The following DLGAP2 variants were observed in gnomAD, a reference collection of about 807,000 sequenced individuals.
The protein encoded by DLGAP2 is disks large-associated protein 2.
DLGAP2 carries 26 observed loss-of-function variants against 100.3 expected under a neutral mutation model. The ratio of observed to expected loss-of-function variants is 0.26; its 90% CI spans 0.19 to 0.36. The LOEUF (loss-of-function observed/expected upper bound fraction) is 0.36, where lower values mean the gene tolerates loss of function less well. Among genes scored for constraint, DLGAP2 ranks in the 10% least tolerant of loss-of-function variants. The probability of loss-of-function intolerance (pLI) is 1.00; values close to 1 mark genes in which losing one functional copy is unlikely to be tolerated. For synonymous variants in DLGAP2, 886 were observed against 630.1 expected (o/e 1.41, Z -6.08); for missense variants, 1,858 against 1,453.2 (o/e 1.28, Z -4.53).
At chr8:982,475 G>C (rs986109700) in intron 2 of DLGAP2, among the ~76,000 whole-genome samples, 9 of 152,136 alleles carry the variant, frequency 5.9e-5, no homozygotes, top group Non-Finnish European at 1.0e-4. Context: ...GACCCACAAA[G>C]GGCTTTTCTC....
intron 8 of DLGAP2, among the ~76,000 whole-genome samples, chr8:1,663,552 G>C (rs1798468644): frequency 6.6e-6 from 1 of 152,128 alleles, no homozygotes; most frequent in Non-Finnish European, 1.5e-5. Flanking sequence ...TGATTTAATA[G>C]AACCAGAAAG....
intron 2 of DLGAP2, among the ~76,000 whole-genome samples, chr8:1,240,289 C>T (rs183927728): frequency 1.1e-4 from 6 of 53,974 alleles, no homozygotes; most frequent in East Asian, 3.2e-4. Flanking sequence ...TGTTACATGG[C>T]GCCGTGTCTA....
chr8:1,060,161 T>C (rs1789344010), intron 2 of DLGAP2, among the ~76,000 whole-genome samples: 1 of 152,196 alleles, frequency 6.6e-6, no homozygotes, highest in Non-Finnish European at 1.5e-5. Context: ...CGTGCGTGGC[T>C]GCATCCGTTT....
chr8:1,089,669 C>T (rs750903541), intron 2 of DLGAP2, among the ~76,000 whole-genome samples: 1 of 152,206 alleles, frequency 6.6e-6, no homozygotes, highest in Non-Finnish European at 1.5e-5. Context: ...CCAAGGAATG[C>T]TGTTCTTATA....
chr8:1,657,317 G>C (rs1177987609), intron 8 of DLGAP2, among the ~76,000 whole-genome samples: 1 of 152,120 alleles, frequency 6.6e-6, no homozygotes, highest in African/African-American at 2.4e-5. Context: ...TTTAATGTTT[G>C]ACATACATAT....
rs1006558740 is a variant in DLGAP2, at chr8:1,424,808, C to T, written c.107-76558C>T. Reference sequence around the variant, plus strand: ...AATAGGACAAGGACAGTATGATCCCCTTATACGCAGCACCTGGAGGAGTTG... The same window carrying T: ...AATAGGACAAGGACAGTATGATCCCTTTATACGCAGCACCTGGAGGAGTTG... On this transcript the variant is annotated intron_variant, in intron 3 of 14. Transcript: ENST00000637795. Among the ~76,000 whole-genome samples, 4 of 152,194 alleles carry T rather than the reference C, an allele frequency of 2.6e-5. No individual in the cohort carries two copies. The East Asian group carries it at 7.7e-4, about 29-fold the overall frequency.
chr8:1,573,376 G>T (rs1429205070), intron 6 of DLGAP2, among the ~76,000 whole-genome samples: 2 of 135,842 alleles, frequency 1.5e-5, no homozygotes, highest in African/African-American at 2.8e-5. Context: ...GGCGTCTGAT[G>T]AGATGGAGGG....
At chr8:945,418 G>A (rs1049520667) in intron 2 of DLGAP2, among the ~76,000 whole-genome samples, 1 of 152,148 alleles carries the variant, frequency 6.6e-6, no homozygotes, top group African/African-American at 2.4e-5. Context: ...TTGAATACAG[G>A]TGTAGCATTT....
intron 2 of DLGAP2, among the ~76,000 whole-genome samples, chr8:1,255,151 C>CA (rs1799163659): frequency 3.9e-5 from 5 of 129,106 alleles, no homozygotes; most frequent in Non-Finnish European, 3.3e-5. Context: ...TGTGTGTCCT[C>CA]TCCTGCCCGG....
At chr8:1,281,325 C>T (rs558185621) in intron 3 of DLGAP2, among the ~76,000 whole-genome samples, 8 of 152,268 alleles carry the variant, frequency 5.3e-5, no homozygotes, top group African/African-American at 1.9e-4. Context: ...CTCCGCCCCT[C>T]GCTCCCGGCG....
Position 1,354,967 on chromosome 8 carries a change from G to A in DLGAP2, c.106+96084G>A, listed in dbSNP as rs1363252847. Reference sequence around the variant, plus strand: ...GGTGGAAAGTCACGGATGATGCTGCGGATGAGGGTGGAAAGTCACGGATGA... The same window carrying A: ...GGTGGAAAGTCACGGATGATGCTGCAGATGAGGGTGGAAAGTCACGGATGA... On this transcript the variant is annotated intron_variant, in intron 3 of 14. Transcript: ENST00000637795. 4.3e-5 allele frequency among the ~76,000 whole-genome samples: 6 copies of A among 138,286 alleles called. No individual in the cohort carries two copies. The East Asian group carries it at 1.1e-3, about 26-fold the overall frequency. The allele number at this position is 138,286 out of a possible 152,430, so 90.7% of individuals were successfully genotyped here.
At chr8:1,591,909 C>T (rs1425257733) in intron 6 of DLGAP2, among the ~76,000 whole-genome samples, 1 of 152,220 alleles carries the variant, frequency 6.6e-6, no homozygotes, top group Non-Finnish European at 1.5e-5. Context: ...GAGGTTCCTC[C>T]CACCCGGGGC....
intron 3 of DLGAP2, among the ~76,000 whole-genome samples, chr8:1,427,473 C>T (rs1296789261): frequency 6.6e-6 from 1 of 152,142 alleles, no homozygotes; most frequent in Non-Finnish European, 1.5e-5. Flanking sequence ...AAACAAACAT[C>T]CTCATATACT....
rs777558002 is a variant in DLGAP2 at position 1,668,378 on chromosome 8, G to A, written c.1860G>A (p.Arg620=). 5.0e-6 allele frequency: 8 copies of A among 1,587,316 alleles called. No homozygotes were observed. In the African/African-American group the frequency reaches 6.8e-5, roughly 13 times the overall value. The change falls in exon 9 of 15, where the codon CGG becomes CGA. Residue 620 remains arginine, a synonymous_variant. Transcript: ENST00000637795. ...AAACGCCCCCACCGGTGCCCCCTCG[G>A]ACCACCTCCAAGCCTCTGATCTCGG... ...YKKTPPPVPP[R]TTSKPLISVT...
At chr8:1,384,879 G>A (rs867229787) in intron 3 of DLGAP2, among the ~76,000 whole-genome samples, 10 of 22,754 alleles carry the variant, frequency 4.4e-4, no homozygotes, top group African/African-American at 1.2e-3. Flanking sequence ...CAGTTACCCC[G>A]GTCTGTGCCC....
chr8:1,702,924 A>G lies in DLGAP2; in HGVS notation c.*1518A>G, dbSNP rs1467537793. 6.6e-6 allele frequency: 1 copy of G among 152,670 alleles called. No homozygotes were observed. Among genetic ancestry groups the G allele is most frequent in the Non-Finnish European group, 1.5e-5 (1 of 68,048 alleles). 9.5% of individuals were successfully genotyped at this position (152,670 alleles called of 1,614,324 possible). On this transcript the variant is annotated 3_prime_UTR_variant, in exon 15 of 15. Transcript: ENST00000637795. ...GAGTACCATGTACTTAGCCACAGGCAGAATAGCTTTCGATGACCCCATAGC... is the reference window on the plus strand; with the variant it reads ...GAGTACCATGTACTTAGCCACAGGCGGAATAGCTTTCGATGACCCCATAGC...
chr8:1,195,120 A>C (rs1160319733), intron 2 of DLGAP2, among the ~76,000 whole-genome samples: 12 of 152,238 alleles, frequency 7.9e-5, no homozygotes, highest in Admixed American at 7.9e-4. Context: ...CAGCAGGTGG[A>C]GATTAGACTG....
At chr8:915,622 C>T (rs753226905) in intron 2 of DLGAP2, among the ~76,000 whole-genome samples, 1 of 151,982 alleles carries the variant, frequency 6.6e-6, no homozygotes, top group Non-Finnish European at 1.5e-5. Context: ...CAGCCGCCAC[C>T]CACTCCCCTG....
intron 1 of DLGAP2, among the ~76,000 whole-genome samples, chr8:876,238 A>T (rs1455540890): frequency 6.6e-6 from 1 of 152,148 alleles, no homozygotes; most frequent in Non-Finnish European, 1.5e-5. Context: ...TTAATTTTTC[A>T]TGTGGATTTT....
Sources: gnomAD v4.1 joint callset for allele counts (sites outside exome capture counted in the v4.1 genomes callset) on GRCh38, gnomAD v4.1.1 for gene constraint, MANE v1.5 for transcripts, NCBI Gene and HGNC (gene_info 2026-07-23, HGNC 2026-07-21) for gene names.